Variants in SLC2A12 observed in about 807,000 individuals in gnomAD.
SLC2A12 encodes solute carrier family 2 member 12, also known as solute carrier family 2, facilitated glucose transporter member 12.
SLC2A12 carries 23 observed loss-of-function variants against 41.8 expected under a neutral mutation model. The ratio of observed to expected loss-of-function variants is 0.55; its 90% CI spans 0.40 to 0.78. The LOEUF (loss-of-function observed/expected upper bound fraction) is 0.78, where lower values mean the gene tolerates loss of function less well. Among genes scored for constraint, SLC2A12 ranks in the 30% least tolerant of loss-of-function variants. The pLI, the probability that SLC2A12 is intolerant of heterozygous loss-of-function variation, is 0.00. For missense variants in SLC2A12, 654 were observed against 745.6 expected (o/e 0.88, Z 1.43); for synonymous variants, 295 against 285.9 (o/e 1.03, Z -0.32).
At chr6:134,039,346 A>G (rs1777349291) in intron 1 of SLC2A12, among the ~76,000 whole-genome samples, 2 of 152,148 alleles carry the variant, frequency 1.3e-5, no homozygotes, top group African/African-American at 4.8e-5. Flanking sequence ...AGCAAGCTCT[A>G]TCTTCACCTC....
intron 4 of SLC2A12, among the ~76,000 whole-genome samples, chr6:133,999,872 T>A (rs964747145): frequency 3.9e-5 from 6 of 152,240 alleles, no homozygotes; most frequent in Non-Finnish European, 8.8e-5. Flanking sequence ...AATGGAGGAA[T>A]ACCAATAGAT....
chr6:134,032,447 T>TATAA lies in SLC2A12; in HGVS notation c.104-2727_104-2726insTTAT, dbSNP rs1162366373. ...ATATTTATATATATATATATATATA[T>TATAA]AAATATATATATATATATTTTTATA... On this transcript the variant is annotated intron_variant, in intron 1 of 4. Coordinates refer to ENST00000275230, the MANE Select transcript of SLC2A12 (RefSeq NM_145176.3). Among the ~76,000 whole-genome samples, 4 of 33,474 alleles carry TATAA rather than the reference T, an allele frequency of 1.2e-4. 1 individual carries two copies. Among genetic ancestry groups the TATAA allele is most frequent in the African/African-American group, 5.0e-4 (4 of 7,990 alleles). 22.0% of individuals were successfully genotyped at this position (33,474 alleles called of 152,430 possible). A position where few individuals can be genotyped will look rare whatever the true frequency, so the allele number is the denominator to read the frequency against.
At chr6:134,024,223 A>G (rs1564774) in intron 2 of SLC2A12, among the ~76,000 whole-genome samples, 1 of 152,066 alleles carries the variant, frequency 6.6e-6, no homozygotes, top group South Asian at 2.1e-4. Context: ...GAAAGACATG[A>G]GTGCTGCAGT....
At position 134,029,152 on chromosome 6, in the gene SLC2A12, C is replaced by T. The variant is rs202023228; in HGVS notation, c.673G>A (p.Val225Met). 3.7e-6 allele frequency: 6 copies of T among 1,613,974 alleles called. No individual in the cohort carries two copies. Among genetic ancestry groups the T allele is most frequent in the Non-Finnish European group, 5.1e-6 (6 of 1,180,046 alleles). ...YFLPPSPRFL[V>M]MKGQEGAASK... is the part of the protein sequence containing the mutation. The stretch of plus-strand genomic sequence containing the variant: ...GCAGCTCCCTCTTGTCCTTTCATCA[C>T]CAGAAACCGAGGGCTTGGAGGAAGA... The change falls in exon 2 of 5, where the codon GTG becomes ATG. Residue 225 changes from valine to methionine, a missense_variant. This residue lies in a region of SLC2A12 where 411 missense variants were observed against 412.1 expected (regional missense o/e 1.00). Coordinates refer to ENST00000275230, the MANE Select transcript of SLC2A12 (RefSeq NM_145176.3).
Position 133,987,648 on chromosome 6 carries a change from G to GTGTGTGTATATATATATATATATATATA in SLC2A12, c.*3506_*3507insTATATATATATATATATATATACACACA, listed in dbSNP as rs200249148. 1.1e-4 allele frequency: 10 copies of GTGTGTGTATATATATATATATATATATA among 88,314 alleles called. No individual in the cohort carries two copies. The highest frequency in any genetic ancestry group is 2.0e-4 in the Non-Finnish European group (7 of 35,234). 5.5% of individuals were successfully genotyped at this position (88,314 alleles called of 1,614,324 possible). On this transcript the variant is annotated 3_prime_UTR_variant, in exon 5 of 5. Transcript: ENST00000275230. ...TTTGTGTGTGTGTGTGTGTGTGTGTGTATATATATATATATATATGCACCA... is the reference window on the plus strand; with the variant it reads ...TTTGTGTGTGTGTGTGTGTGTGTGTGTGTGTGTATATATATATATATATATATATATATATATATATATATATGCACCA...
intron 1 of SLC2A12, among the ~76,000 whole-genome samples, chr6:134,043,314 G>A (rs753479051): frequency 6.6e-6 from 1 of 152,134 alleles, no homozygotes; most frequent in Non-Finnish European, 1.5e-5. Context: ...TGTACTGTGT[G>A]TGTTTGGATG....
At chr6:134,015,973 C>T (rs886108745) in intron 2 of SLC2A12, among the ~76,000 whole-genome samples, 3 of 152,176 alleles carry the variant, frequency 2.0e-5, no homozygotes, top group Non-Finnish European at 4.4e-5. Context: ...AAAAGCTAGG[C>T]TCTATGGTCT....
chr6:134,019,319 C>T (rs1777010087), intron 2 of SLC2A12, among the ~76,000 whole-genome samples: 1 of 152,012 alleles, frequency 6.6e-6, no homozygotes, highest in Non-Finnish European at 1.5e-5. Flanking sequence ...AACATTATGC[C>T]TTGGGTTTTG....
At chr6:134,038,115 G>GA (rs1013106279) in intron 1 of SLC2A12, among the ~76,000 whole-genome samples, 3 of 152,046 alleles carry the variant, frequency 2.0e-5, no homozygotes, top group Non-Finnish European at 4.4e-5. Context: ...ATTTTCTACG[G>GA]AAAAAATATA....
intron 1 of SLC2A12, among the ~76,000 whole-genome samples, chr6:134,047,767 G>T (rs1251811304): frequency 6.6e-6 from 1 of 152,216 alleles, no homozygotes; most frequent in Non-Finnish European, 1.5e-5. Context: ...TAGGACAGAG[G>T]CACCGACCTA....
intron 1 of SLC2A12, among the ~76,000 whole-genome samples, chr6:134,033,326 A>G (rs925276546): frequency 2.0e-5 from 3 of 152,122 alleles, no homozygotes; most frequent in Non-Finnish European, 2.9e-5. Context: ...ACTCTCTTAT[A>G]GGTTCATTCA....
Position 133,989,494 on chromosome 6 carries a change from A to G in SLC2A12, c.*1661T>C, listed in dbSNP as rs952858258. On this transcript the variant is annotated 3_prime_UTR_variant, in exon 5 of 5. Coordinates refer to ENST00000275230, the MANE Select transcript of SLC2A12 (RefSeq NM_145176.3). Reference sequence around the variant, plus strand: ...AGTATATATAGAGTTTGAACTATAAACACGGAAGGAAACATGGGGCAGAAC... The same window carrying G: ...AGTATATATAGAGTTTGAACTATAAGCACGGAAGGAAACATGGGGCAGAAC... 4 of 152,212 alleles carry G rather than the reference A, an allele frequency of 2.6e-5. No individual in the cohort carries two copies. The highest frequency in any genetic ancestry group is 2.6e-4 in the Admixed American group (4 of 15,284). The allele number at this position is 152,212 out of a possible 1,614,324, so 9.4% of individuals were successfully genotyped here.
intron 1 of SLC2A12, among the ~76,000 whole-genome samples, chr6:134,032,848 T>C (rs1022795913): frequency 4.9e-5 from 7 of 143,600 alleles, no homozygotes; most frequent in East Asian, 2.0e-4. Flanking sequence ...TATATATAAA[T>C]ATATATTTAT....
intron 2 of SLC2A12, among the ~76,000 whole-genome samples, chr6:134,014,172 G>A (rs919338633): frequency 3.9e-5 from 6 of 152,292 alleles, no homozygotes; most frequent in Middle Eastern, 3.4e-3. Context: ...AGTACGTGAC[G>A]TTTATCATTA....
rs1776609837 is a variant in SLC2A12, at chr6:133,990,775, G to A, written c.*380C>T. 6.3e-6 allele frequency: 1 copy of A among 158,796 alleles called. No individual in the cohort carries two copies. The highest frequency in any genetic ancestry group is 2.4e-5 in the African/African-American group (1 of 41,714). 9.8% of individuals were successfully genotyped at this position (158,796 alleles called of 1,614,324 possible). The stretch of plus-strand genomic sequence containing the variant: ...ACCCTCATGTCCAGACCACTTGTGT[G>A]TCTGCATAATAAAGCTGCGACTGGC... On this transcript the variant is annotated 3_prime_UTR_variant, in exon 5 of 5. Coordinates refer to ENST00000275230, the MANE Select transcript of SLC2A12 (RefSeq NM_145176.3).
intron 1 of SLC2A12, among the ~76,000 whole-genome samples, chr6:134,032,424 A>T (rs13206352): frequency 0.015 from 627 of 41,196 alleles, 25 homozygotes; most frequent in African/African-American, 0.044. Flanking sequence ...ATATATATAT[A>T]TTTATATATA....
chr6:133,988,704 A>T lies in SLC2A12; in HGVS notation c.*2451T>A, dbSNP rs1267672156. 2 of 151,874 alleles carry T rather than the reference A, an allele frequency of 1.3e-5. No homozygotes were observed. The highest frequency in any genetic ancestry group is 4.8e-5 in the African/African-American group (2 of 41,326). 9.4% of individuals were successfully genotyped at this position (151,874 alleles called of 1,614,324 possible). On this transcript the variant is annotated 3_prime_UTR_variant, in exon 5 of 5. Transcript: ENST00000275230. Reference sequence around the variant, plus strand: ...CCTTCTTGTGAAATATTTCATTGAGATTTTTAGACTTGTATTTTTCCTTTT... The same window carrying T: ...CCTTCTTGTGAAATATTTCATTGAGTTTTTTAGACTTGTATTTTTCCTTTT...
chr6:134,051,322 T>C (rs1338780925), intron 1 of SLC2A12, among the ~76,000 whole-genome samples: 1 of 152,134 alleles, frequency 6.6e-6, no homozygotes, highest in Non-Finnish European at 1.5e-5. Context: ...CATGCCTCGA[T>C]GTTAGGGGTC....
chr6:134,023,255 A>G (rs1454384425), intron 2 of SLC2A12, among the ~76,000 whole-genome samples: 1 of 152,232 alleles, frequency 6.6e-6, no homozygotes, highest in Admixed American at 6.5e-5. Flanking sequence ...AGGGTATCCC[A>G]GTAATCTGAC....
Sources: allele counts gnomAD v4.1 joint callset (sites outside exome capture counted in the v4.1 genomes callset), GRCh38; gene constraint gnomAD v4.1.1; regional missense constraint gnomAD v4.1.1; transcripts MANE v1.5; gene names NCBI Gene and HGNC (gene_info 2026-07-23, HGNC 2026-07-21).